The following SLC25A21 variants were observed in gnomAD, a reference collection of about 807,000 sequenced individuals.
The protein encoded by SLC25A21 is solute carrier family 25 member 21.
Under a neutral mutation model 43.8 loss-of-function variants are expected in SLC25A21, and 47 were observed. The observed-to-expected ratio is 1.07, with a 90% CI of 0.85 to 1.37. SLC25A21 has a LOEUF of 1.37. Among genes scored for constraint, SLC25A21 ranks in the 40% most tolerant of loss-of-function variants. SLC25A21 has a pLI of 0.00. For synonymous variants in SLC25A21, 131 were observed against 121.3 expected (o/e 1.08, Z -0.52); for missense variants, 352 against 350.2 (o/e 1.00, Z -0.04).
intron 1 of SLC25A21, among the ~76,000 whole-genome samples, chr14:36,979,352 TGTTTG>T (rs1959964577): frequency 6.8e-6 from 1 of 148,064 alleles, no homozygotes; most frequent in Non-Finnish European, 1.5e-5. Flanking sequence ...TTACTGTTTT[TGTTTG>T]TTTGTTTGTT....
chr14:37,142,464 G>A (rs915414190), intron 1 of SLC25A21, among the ~76,000 whole-genome samples: 1 of 152,154 alleles, frequency 6.6e-6, no homozygotes, highest in African/African-American at 2.4e-5. Context: ...GGGCTCAAGC[G>A]ATTCCCGTAC....
chr14:37,000,594 G>A (rs1490712120), intron 1 of SLC25A21, among the ~76,000 whole-genome samples: 4 of 152,074 alleles, frequency 2.6e-5, no homozygotes, highest in Admixed American at 1.3e-4. Context: ...TCTCTGATCA[G>A]ATGCCATCCA....
chr14:36,731,328 G>T (rs1229803670), intron 4 of SLC25A21, among the ~76,000 whole-genome samples: 1 of 152,064 alleles, frequency 6.6e-6, no homozygotes, highest in African/African-American at 2.4e-5. Context: ...CAGTCACCTT[G>T]CTGGCATTTT....
intron 4 of SLC25A21, among the ~76,000 whole-genome samples, chr14:36,733,739 C>CT (rs1329650154): frequency 6.6e-6 from 1 of 152,074 alleles, no homozygotes; most frequent in Middle Eastern, 3.2e-3. Flanking sequence ...AGGACAAAGC[C>CT]TTATTTGGTG....
intron 1 of SLC25A21, among the ~76,000 whole-genome samples, chr14:37,141,726 A>G (rs1963573739): frequency 6.6e-6 from 1 of 152,230 alleles, no homozygotes; most frequent in Admixed American, 6.5e-5. Flanking sequence ...AATACCTGAA[A>G]CAAAATATGT....
intron 1 of SLC25A21, among the ~76,000 whole-genome samples, chr14:37,151,328 G>A (rs999796745): frequency 6.6e-6 from 1 of 152,194 alleles, no homozygotes; most frequent in South Asian, 2.1e-4. Context: ...TGAGGGTGGA[G>A]GCTTGGCCCA....
chr14:36,911,801 G>A (rs1891693566), intron 1 of SLC25A21, among the ~76,000 whole-genome samples: 1 of 152,152 alleles, frequency 6.6e-6, no homozygotes, highest in Non-Finnish European at 1.5e-5. Context: ...AATTGTGAGA[G>A]ATGATAGAAT....
intron 1 of SLC25A21, among the ~76,000 whole-genome samples, chr14:37,163,262 G>A (rs1963979171): frequency 6.6e-6 from 1 of 151,050 alleles, no homozygotes; most frequent in Non-Finnish European, 1.5e-5. Context: ...TGCACATTGT[G>A]CACATGTACC....
At chr14:37,106,930 G>A (rs368984078) in intron 1 of SLC25A21, among the ~76,000 whole-genome samples, 4 of 152,120 alleles carry the variant, frequency 2.6e-5, no homozygotes, top group African/African-American at 4.8e-5. Context: ...TATTGGGGGC[G>A]GGTTCCCCCG....
At chr14:37,117,701 T>C (rs1232732356) in intron 1 of SLC25A21, among the ~76,000 whole-genome samples, 2 of 152,174 alleles carry the variant, frequency 1.3e-5, no homozygotes. Flanking sequence ...GAAGAACTTT[T>C]AAGCTCCTTC....
intron 1 of SLC25A21, among the ~76,000 whole-genome samples, chr14:37,144,500 A>G (rs531141706): frequency 6.6e-6 from 1 of 152,150 alleles, no homozygotes; most frequent in East Asian, 1.9e-4. Context: ...CCCACTGTGG[A>G]ATATTGGAAA....
intron 1 of SLC25A21, among the ~76,000 whole-genome samples, chr14:36,990,805 C>T (rs1451081947): frequency 2.6e-5 from 4 of 151,824 alleles, no homozygotes; most frequent in Admixed American, 2.0e-4. Flanking sequence ...TGCTTGAGCC[C>T]GGGAGGTCGA....
intron 1 of SLC25A21, among the ~76,000 whole-genome samples, chr14:36,929,660 T>C (rs1892234882): frequency 1.3e-5 from 2 of 152,260 alleles, no homozygotes; most frequent in South Asian, 2.1e-4. Flanking sequence ...TTGAAAAACA[T>C]CCTGTGTTTT....
intron 1 of SLC25A21, among the ~76,000 whole-genome samples, chr14:36,945,851 A>G (rs967899891): frequency 1.3e-5 from 2 of 152,202 alleles, no homozygotes; most frequent in African/African-American, 2.4e-5. Context: ...ACACTTAAAA[A>G]TGGTTAAGAT....
intron 3 of SLC25A21, among the ~76,000 whole-genome samples, chr14:36,778,224 G>T (rs1011181487): frequency 2.6e-5 from 4 of 152,146 alleles, no homozygotes; most frequent in African/African-American, 4.8e-5. Context: ...TCTCCTACAT[G>T]TATCTCACAT....
At chr14:36,941,640 A>G (rs939963213) in intron 1 of SLC25A21, among the ~76,000 whole-genome samples, 1 of 151,790 alleles carries the variant, frequency 6.6e-6, no homozygotes, top group Non-Finnish European at 1.5e-5. Context: ...TAGAATATAT[A>G]AAATTAAATA....
chr14:37,123,419 T>C (rs1390283362), intron 1 of SLC25A21, among the ~76,000 whole-genome samples: 1 of 152,170 alleles, frequency 6.6e-6, no homozygotes, highest in Non-Finnish European at 1.5e-5. Context: ...TTTTTAAAAC[T>C]AGAAAGCAAC....
chr14:36,897,593 T>G (rs1359997489), intron 1 of SLC25A21, among the ~76,000 whole-genome samples: 1 of 152,178 alleles, frequency 6.6e-6, no homozygotes, highest in East Asian at 1.9e-4. Flanking sequence ...CTGCATTCCT[T>G]TGGAGGAGGA....
intron 1 of SLC25A21, chr14:37,098,527 A>G (rs945693746): frequency 4.6e-5 from 7 of 152,182 alleles, no homozygotes. Context: ...GAAGTTAACC[A>G]TGATTTCTTT....
Sources: allele counts gnomAD v4.1 joint callset (sites outside exome capture counted in the v4.1 genomes callset), GRCh38; gene constraint gnomAD v4.1.1; transcripts MANE v1.5; gene names NCBI Gene and HGNC (gene_info 2026-07-23, HGNC 2026-07-21).